Variants in ADCY1 observed in about 807,000 individuals in gnomAD.
ADCY1 encodes the protein adenylate cyclase 1, also known as adenylate cyclase type 1.
ADCY1 carries 28 observed loss-of-function variants against 105.4 expected under a neutral mutation model. The observed-to-expected ratio is 0.27, with a 90% CI of 0.20 to 0.36. The LOEUF is 0.36. Among genes scored for constraint, ADCY1 ranks in the 10% least tolerant of loss-of-function variants. The pLI is 1.00. For missense variants in ADCY1, 977 were observed against 1,434.2 expected, an observed-to-expected ratio of 0.68 and a Z score of 5.15; for synonymous variants, 655 against 623.8, an observed-to-expected ratio of 1.05 and a Z score of -0.75.
chr7:45,713,305 C>G (rs1280584769), intron 19 of ADCY1, among the ~76,000 whole-genome samples: 12 of 152,222 alleles, frequency 7.9e-5, no homozygotes, highest in Admixed American at 7.9e-4. Context: ...CATCCAGACC[C>G]TGGTGCTAGG....
At chr7:45,712,501 G>A (rs991582753) in intron 19 of ADCY1, among the ~76,000 whole-genome samples, 3 of 152,144 alleles carry the variant, frequency 2.0e-5, no homozygotes, top group Admixed American at 6.5e-5. Context: ...CCAATCCCCA[G>A]CCAGGTGTCT....
intron 17 of ADCY1, among the ~76,000 whole-genome samples, chr7:45,706,304 TG>T (rs1026196459): frequency 6.6e-6 from 1 of 152,018 alleles, no homozygotes; most frequent in African/African-American, 2.4e-5. Flanking sequence ...CTTACAAAGC[TG>T]TAGTAATCAA....
chr7:45,711,975 T>TATATTAAATATAGAAATACATATC, intron 19 of ADCY1, among the ~76,000 whole-genome samples: 1 of 50,884 alleles, frequency 2.0e-5, no homozygotes, highest in Non-Finnish European at 4.7e-5. Context: ...AAATACATAT[T>TATATTAAATATAGAAATACATATC]ATATTAAATA....
At chr7:45,592,989 G>T (rs1584254561) in intron 2 of ADCY1, 81 bp downstream of exon 2, 1 of 1,564,634 alleles carries the variant, frequency 6.4e-7, no homozygotes, top group Non-Finnish European at 8.7e-7. Flanking sequence ...CTGAGCCTCA[G>T]TTTACCCCGT....
intron 17 of ADCY1, among the ~76,000 whole-genome samples, chr7:45,707,062 C>T (rs551454101): frequency 9.1e-4 from 138 of 152,248 alleles, no homozygotes; most frequent in Non-Finnish European, 1.6e-3. Context: ...AGACAAATGC[C>T]GGTGAGGATG....
intron 1 of ADCY1, among the ~76,000 whole-genome samples, chr7:45,582,570 G>A (rs564338864): frequency 2.0e-5 from 3 of 150,804 alleles, no homozygotes; most frequent in Non-Finnish European, 4.4e-5. Flanking sequence ...GGCACCTGGC[G>A]GGGGGTGGGG....
At chr7:45,587,453 G>A (rs1386548335) in intron 1 of ADCY1, among the ~76,000 whole-genome samples, 2 of 152,144 alleles carry the variant, frequency 1.3e-5, no homozygotes, top group Non-Finnish European at 2.9e-5. Flanking sequence ...GAGAGAAGTT[G>A]GTGGCATAGG....
rs1784684102 is a variant in ADCY1 at position 45,686,702 on chromosome 7, G to A, written c.2454+29G>A. 1.3e-6 allele frequency: 2 copies of A among 1,577,434 alleles called. No homozygotes were observed. The highest frequency in any genetic ancestry group is 1.7e-6 in the Non-Finnish European group (2 of 1,158,162). ...AGACGAGCCCTTTCTGCTTTCTGGG[G>A]GTGGGGGATTTAGAGGAGGAAGAAG... On this transcript the variant is annotated intron_variant, in intron 14 of 19. Coordinates refer to ENST00000297323, the MANE Select transcript of ADCY1 (RefSeq NM_021116.4). This position sits in a 1 kb window ranked among gnomAD's most constrained non-coding sequence, Gnocchi z 4.3.
chr7:45,629,870 C>T (rs1484282106), intron 4 of ADCY1, among the ~76,000 whole-genome samples: 1 of 152,210 alleles, frequency 6.6e-6, no homozygotes, highest in Non-Finnish European at 1.5e-5. Context: ...GTTATTGTAG[C>T]ATTTCACATT....
intron 2 of ADCY1, among the ~76,000 whole-genome samples, chr7:45,597,111 T>C (rs1245641080): frequency 2.0e-5 from 3 of 152,138 alleles, no homozygotes; most frequent in African/African-American, 7.2e-5. Flanking sequence ...CCCCACTGAA[T>C]GCCTGGGTTT....
rs1784684949 is a variant in ADCY1 at position 45,686,740 on chromosome 7, A to G, written c.2454+67A>G. ...GAGGAGGAAGAAGTCTTCAGCAAGC[A>G]TCTGACGGGGGCTGCCACAGACACC... On this transcript the variant is annotated intron_variant, in intron 14 of 19. Transcript: ENST00000297323. This position sits in a 1 kb window ranked among gnomAD's most constrained non-coding sequence, Gnocchi z 4.3. 1 of 1,534,524 alleles carries G rather than the reference A, an allele frequency of 6.5e-7. No individual in the cohort carries two copies. The highest frequency in any genetic ancestry group is 2.3e-5 in the East Asian group (1 of 43,720).
intron 5 of ADCY1, among the ~76,000 whole-genome samples, chr7:45,654,740 G>A (rs1250967405): frequency 6.6e-6 from 1 of 152,228 alleles, no homozygotes; most frequent in African/African-American, 2.4e-5. Flanking sequence ...TGGGAGAGGT[G>A]ATGCCTGTGT....
intron 2 of ADCY1, 92 bp from the exon 3 acceptor site, chr7:45,610,285 CAG>C: frequency 8.8e-7 from 1 of 1,138,394 alleles, no homozygotes; most frequent in Non-Finnish European, 1.3e-6. Context: ...TACCCAGGCT[CAG>C]GGGCCCGGCG....
chr7:45,670,532 C>T (rs1236375169), intron 8 of ADCY1, among the ~76,000 whole-genome samples: 1 of 152,146 alleles, frequency 6.6e-6, no homozygotes, highest in African/African-American at 2.4e-5. Flanking sequence ...CAGCCCCGAC[C>T]ACAGGGAGGA....
intron 3 of ADCY1, among the ~76,000 whole-genome samples, chr7:45,622,040 GATAA>G (rs895334594): frequency 6.6e-6 from 1 of 152,124 alleles, no homozygotes; most frequent in Non-Finnish European, 1.5e-5. Context: ...CCAGTGCTGT[GATAA>G]ATAGACACTC....
chr7:45,691,980 G>A (rs1272879200), intron 14 of ADCY1, among the ~76,000 whole-genome samples: 2 of 152,140 alleles, frequency 1.3e-5, no homozygotes, highest in Non-Finnish European at 2.9e-5. Context: ...AATGTTGTAC[G>A]CTTGTTAGTC....
chr7:45,584,519 T>G (rs1792662029), intron 1 of ADCY1, among the ~76,000 whole-genome samples: 1 of 152,246 alleles, frequency 6.6e-6, no homozygotes, highest in South Asian at 2.1e-4. Context: ...TGTCTTTAAC[T>G]GTGGTTCTCT....
At position 45,662,207 on chromosome 7, in the gene ADCY1, A is replaced by G. The variant is rs565666593; in HGVS notation, c.1598A>G (p.Asp533Gly). 6.2e-7 allele frequency: 1 copy of G among 1,612,846 alleles called. No individual in the cohort carries two copies. Among genetic ancestry groups the G allele is most frequent in the Non-Finnish European group, 8.5e-7 (1 of 1,179,672 alleles). ...TCCAATGTCATGACCTGCGAGGACG[A>G]TGACAAGGTAGGAGCAGCCAGGGAG... is the stretch of plus-strand genomic sequence containing the variant. Reference protein sequence around the residue: ...PFSNVMTCEDDDKRRALRTAS... With the variant: ...PFSNVMTCEDGDKRRALRTAS... Residue 533 changes from aspartate to glycine, a missense_variant, in exon 8 of 20, where the codon GAT (aspartate) becomes GGT (glycine). Asp to Gly is a moderately conservative substitution (Grantham distance 94). Coordinates refer to ENST00000297323, the MANE Select transcript of ADCY1 (RefSeq NM_021116.4).
rs1451830944 is a variant in ADCY1 at position 45,708,607 on chromosome 7, G to A, written c.2932+143G>A. The A allele has an allele frequency of 1.4e-5, 9 of 627,692 alleles. No individual in the cohort carries two copies. Among genetic ancestry groups the A allele is most frequent in the Middle Eastern group, 2.8e-4 (1 of 3,548 alleles). The allele number at this position is 627,692 out of a possible 1,614,324, so 38.9% of individuals were successfully genotyped here. A position where few individuals can be genotyped will look rare whatever the true frequency, so the allele number is the denominator to read the frequency against. On this transcript the variant is annotated intron_variant, in intron 18 of 19. Transcript: ENST00000297323. The surrounding 1 kb of genome is among the most constrained non-coding windows in gnomAD (Gnocchi z 4.7). Reference sequence around the variant, plus strand: ...AGGAGGGCATGGGGACCTGTGTACCGAGTTGCCCCTGGAAGCTGCTGGTGG... The same window carrying A: ...AGGAGGGCATGGGGACCTGTGTACCAAGTTGCCCCTGGAAGCTGCTGGTGG...
Sources: gnomAD v4.1 joint callset for allele counts (sites outside exome capture counted in the v4.1 genomes callset) on GRCh38, gnomAD v4.1.1 for gene constraint, Gnocchi (gnomAD v3.1) non-coding constraint, MANE v1.5 for transcripts, NCBI Gene and HGNC (gene_info 2026-07-23, HGNC 2026-07-21) for gene names.